Variants in NADSYN1 observed in about 807,000 individuals in gnomAD.
NADSYN1 encodes glutamine-dependent NAD(+) synthetase.
NADSYN1 carries 80 observed loss-of-function variants against 99.3 expected under a neutral mutation model. The ratio of observed to expected loss-of-function variants is 0.81; its 90% CI spans 0.67 to 0.97. The LOEUF (loss-of-function observed/expected upper bound fraction) is 0.97. NADSYN1 is among the 50% of genes least tolerant of loss of function. The pLI is 0.00. For synonymous variants in NADSYN1, 385 were observed against 372.1 expected, an observed-to-expected ratio of 1.03 and a Z score of -0.40; for missense variants, 859 against 948.5, an observed-to-expected ratio of 0.91 and a Z score of 1.24.
intron 14 of NADSYN1, among the ~76,000 whole-genome samples, chr11:71,483,330 C>T (rs960274144): frequency 6.6e-6 from 1 of 152,102 alleles, no homozygotes; most frequent in Admixed American, 6.5e-5. Flanking sequence ...CTATCTGACC[C>T]ACCCCAGTCT....
At position 71,498,478 on chromosome 11, in the gene NADSYN1, T is replaced by C. The variant is rs761668018; in HGVS notation, c.2020T>C (p.Phe674Leu). ...GGACAACAGGTTTGATCTGCGACCATTTCTGTACAACACAAGCTGGCCTTG... is the reference window on the plus strand; with the variant it reads ...GGACAACAGGTTTGATCTGCGACCACTTCTGTACAACACAAGCTGGCCTTG... ...PEDNRFDLRP[F>L]LYNTSWPWQF... Residue 674 changes from phenylalanine to leucine, a missense_variant, in exon 20 of 21, where the codon TTT becomes CTT. Transcript: ENST00000319023. The C allele has an allele frequency of 6.2e-7, 1 of 1,614,192 alleles. No individual in the cohort carries two copies. Among genetic ancestry groups the C allele is most frequent in the Non-Finnish European group, 8.5e-7 (1 of 1,180,028 alleles).
chr11:71,487,627 C>T (rs369210078), intron 16 of NADSYN1, among the ~76,000 whole-genome samples: 1 of 151,690 alleles, frequency 6.6e-6, no homozygotes, highest in African/African-American at 2.4e-5. Flanking sequence ...GTCAGGAGAT[C>T]GAGACCATCC....
intron 3 of NADSYN1, 52 bp from the exon 4 acceptor site, chr11:71,463,378 GCT>G: frequency 6.6e-7 from 1 of 1,504,112 alleles, no homozygotes. Flanking sequence ...GCCTCCATGT[GCT>G]CTGTGTTTCA....
intron 9 of NADSYN1, among the ~76,000 whole-genome samples, chr11:71,478,072 G>A (rs1949681313): frequency 6.6e-6 from 1 of 151,758 alleles, no homozygotes; most frequent in Non-Finnish European, 1.5e-5. Context: ...CTGACATGGG[G>A]GTGTCTTACT....
chr11:71,485,485 G>T, intron 15 of NADSYN1, 57 bp from the exon 16 acceptor site: 2 of 1,332,452 alleles, frequency 1.5e-6, no homozygotes, highest in Non-Finnish European at 1.0e-6. Context: ...GTGGGTGTGC[G>T]TCTCCCCCGT....
intron 5 of NADSYN1, among the ~76,000 whole-genome samples, chr11:71,465,000 A>T (rs1316065925): frequency 6.6e-6 from 1 of 152,062 alleles, no homozygotes; most frequent in East Asian, 1.9e-4. Flanking sequence ...GCTGGGGCCA[A>T]TGGTGCAGGC....
intron 16 of NADSYN1, among the ~76,000 whole-genome samples, chr11:71,487,509 G>A (rs1230935836): frequency 1.3e-5 from 2 of 152,146 alleles, no homozygotes; most frequent in African/African-American, 4.8e-5. Context: ...GGTTCTGGGA[G>A]CTGGAAGGTC....
Position 71,478,409 on chromosome 11 carries a change from C to T in NADSYN1, c.813C>T (p.Ala271=). The change falls in exon 10 of 21, where the codon GCC becomes GCT. Residue 271 remains alanine, a synonymous_variant. Transcript: ENST00000319023. ...TCCTTCTCCAGGAAGTCCTGACGGC[C>T]ACGCTGGATCTGGAGGACGTCCGGA... ...FSLDDVEVLT[A]TLDLEDVRSY... 2 of 1,607,974 alleles carry T rather than the reference C, an allele frequency of 1.2e-6. No homozygotes were observed. Among genetic ancestry groups the T allele is most frequent in the Non-Finnish European group, 1.7e-6 (2 of 1,177,360 alleles).
At chr11:71,453,734 G>A (rs1949495519) in intron 1 of NADSYN1, among the ~76,000 whole-genome samples, 2 of 152,342 alleles carry the variant, frequency 1.3e-5, no homozygotes, top group South Asian at 4.1e-4. Context: ...CAGAATGGCT[G>A]CGCACTGGCG....
At chr11:71,459,652 C>T (rs1458290092) in intron 3 of NADSYN1, 4 of 152,648 alleles carry the variant, frequency 2.6e-5, no homozygotes, top group Non-Finnish European at 5.9e-5. Context: ...AACCTCGCAT[C>T]GAGTCCTTTA....
intron 4 of NADSYN1, 141 bp from the exon 5 acceptor site, chr11:71,463,912 G>C: frequency 1.6e-6 from 1 of 641,716 alleles, no homozygotes; most frequent in Non-Finnish European, 2.7e-6. Context: ...GAAGCCCAGA[G>C]AAGGAGAGAG....
chr11:71,481,136 C>T (rs935904226), intron 11 of NADSYN1: 11 of 645,384 alleles, frequency 1.7e-5, no homozygotes, highest in Non-Finnish European at 2.7e-5. Flanking sequence ...GGTTCAGTGT[C>T]CCCATTTTAA....
intron 15 of NADSYN1, chr11:71,484,682 G>C: frequency 3.5e-6 from 2 of 565,536 alleles, no homozygotes; most frequent in Non-Finnish European, 6.2e-6. Flanking sequence ...GCATGAGCAT[G>C]TGATGTGTAA....
At chr11:71,480,362 C>T (rs769874083) in intron 10 of NADSYN1, 79 of 188,438 alleles carry the variant, frequency 4.2e-4, no homozygotes, top group Middle Eastern at 2.3e-3. Context: ...TTAGTAGAGA[C>T]AGGGTTTCAT....
intron 14 of NADSYN1, 80 bp downstream of exon 14, chr11:71,483,097 T>C (rs1949720218): frequency 3.3e-6 from 5 of 1,528,520 alleles, no homozygotes; most frequent in South Asian, 1.2e-5. Flanking sequence ...TGTGAGTGCA[T>C]TGGTGACTGG....
At position 71,458,429 on chromosome 11, in the gene NADSYN1, G is replaced by A. The variant is rs150737265; in HGVS notation, c.148G>A (p.Gly50Ser). The stretch of plus-strand genomic sequence containing the variant: ...CTCACCTTCTCACTGTCTCTGCAGC[G>A]GCTACGGATGTTGGGATCATTATTA... ...YRLGPELEIC[G>S]YGCWDHYYES... The change falls in exon 3 of 21, where the codon GGC becomes AGC. Residue 50 changes from glycine to serine, a missense_variant and splice_region_variant. Gly to Ser is a moderately conservative substitution (Grantham distance 56). Coordinates refer to ENST00000319023, the MANE Select transcript of NADSYN1 (RefSeq NM_018161.5). 3.1e-4 allele frequency: 496 copies of A among 1,612,486 alleles called. 3 individuals carry two copies. In the South Asian group the frequency reaches 4.2e-3, roughly 14 times the overall value.
At chr11:71,458,196 A>C (rs1430234742) in intron 2 of NADSYN1, among the ~76,000 whole-genome samples, 1 of 152,182 alleles carries the variant, frequency 6.6e-6, no homozygotes, top group Non-Finnish European at 1.5e-5. Context: ...TTTTTGTAGT[A>C]ACTTAAAACT....
At chr11:71,473,410 G>T (rs1393955797) in intron 7 of NADSYN1, 44 bp downstream of exon 7, 2 of 1,598,186 alleles carry the variant, frequency 1.3e-6, no homozygotes, top group South Asian at 1.1e-5. Context: ...CACCTCATAT[G>T]GGCCAGCTGG....
At chr11:71,488,857 T>A (rs1180495227) in intron 16 of NADSYN1, among the ~76,000 whole-genome samples, 2 of 152,108 alleles carry the variant, frequency 1.3e-5, no homozygotes, top group Non-Finnish European at 2.9e-5. Context: ...TCCATTTGTT[T>A]ATTTGCCTTA....
Sources: gnomAD v4.1 joint callset for allele counts (sites outside exome capture counted in the v4.1 genomes callset) on GRCh38, gnomAD v4.1.1 for gene constraint, MANE v1.5 for transcripts, NCBI Gene and HGNC (gene_info 2026-07-23, HGNC 2026-07-21) for gene names.